Variants in RAB5C observed in about 807,000 individuals in gnomAD.
RAB5C encodes the protein ras-related protein Rab-5C.
In RAB5C, 4 loss-of-function variants were observed where a neutral mutation model predicts 25.2. That is an observed-to-expected ratio of 0.16 (90% CI 0.08 to 0.36). RAB5C has a LOEUF of 0.36. Among genes scored for constraint, RAB5C ranks in the 10% least tolerant of loss-of-function variants. RAB5C has a pLI of 1.00. For synonymous variants in RAB5C, 100 were observed against 106.4 expected, an observed-to-expected ratio of 0.94 and a Z score of 0.37; for missense variants, 199 against 283.8, an observed-to-expected ratio of 0.70 and a Z score of 2.15.
rs572493429 is a variant in RAB5C, at chr17:42,147,144, A to AAGAGAG, written c.-89+7743_-89+7748dup. 3.8e-3 allele frequency among the ~76,000 whole-genome samples: 383 copies of AAGAGAG among 99,662 alleles called. 1 individual carries two copies. Among genetic ancestry groups the AAGAGAG allele is most frequent in the African/African-American group, 0.024 (355 of 15,030 alleles). 65.4% of individuals were successfully genotyped at this position (99,662 alleles called of 152,430 possible). A position where few individuals can be genotyped will look rare whatever the true frequency, so the allele number is the denominator to read the frequency against. On this transcript the variant is annotated intron_variant, in intron 1 of 5. Transcript: ENST00000346213. ...AGAAACAGAAAGAAAGAAAGAAAGA[A>AAGAGAG]AGAGAGAGAGAGAGAGAGAGAGAGA...
At chr17:42,142,052 T>C (rs866324164) in intron 1 of RAB5C, among the ~76,000 whole-genome samples, 6 of 151,926 alleles carry the variant, frequency 3.9e-5, no homozygotes, top group Non-Finnish European at 7.4e-5. Flanking sequence ...AACCCCAATC[T>C]TGTATCCTCC....
rs527603091 is a variant in RAB5C at position 42,152,195 on chromosome 17, T to C, written c.-89+2698A>G. ...AAGCCCCACTATTTCCCAAGGCACCTATGAGGAATATGTATGAAAATAATT... is the reference window on the plus strand; with the variant it reads ...AAGCCCCACTATTTCCCAAGGCACCCATGAGGAATATGTATGAAAATAATT... On this transcript the variant is annotated intron_variant, in intron 1 of 5. Coordinates refer to ENST00000346213, the MANE Select transcript of RAB5C (RefSeq NM_004583.4). Among the ~76,000 whole-genome samples the C allele has an allele frequency of 8.5e-5, 13 of 152,068 alleles. No individual in the cohort carries two copies. The East Asian group carries it at 2.5e-3, about 29-fold the overall frequency.
intron 5 of RAB5C, among the ~76,000 whole-genome samples, chr17:42,126,249 G>C (rs76976057): frequency 2.1e-3 from 322 of 152,170 alleles, no homozygotes; most frequent in African/African-American, 7.5e-3. Context: ...TGAGACTCTG[G>C]CCCAGGCTTC....
At chr17:42,154,261 A>T (rs1053358824) in intron 1 of RAB5C, among the ~76,000 whole-genome samples, 3 of 152,238 alleles carry the variant, frequency 2.0e-5, no homozygotes, top group African/African-American at 7.2e-5. Flanking sequence ...TCAAAGAACA[A>T]CATAACTAGA....
At position 42,128,546 on chromosome 17, in the gene RAB5C, A is replaced by AG. The variant is rs991483513; in HGVS notation, c.318+102dup. Reference sequence around the variant, plus strand: ...CAGGAAATCTGCCCACCCCCCACCCAGGAACAGAGGGTTAAGCGGCCTGAA... The same window carrying AG: ...CAGGAAATCTGCCCACCCCCCACCCAGGGAACAGAGGGTTAAGCGGCCTGAA... On this transcript the variant is annotated intron_variant, in intron 3 of 5. Coordinates refer to ENST00000346213, the MANE Select transcript of RAB5C (RefSeq NM_004583.4). The AG allele has an allele frequency of 4.5e-5, 23 of 513,922 alleles. No homozygotes were observed. In the African/African-American group the frequency reaches 4.8e-4, roughly 11 times the overall value. The allele number at this position is 513,922 out of a possible 1,614,324, so 31.8% of individuals were successfully genotyped here.
At chr17:42,142,221 G>C (rs911000949) in intron 1 of RAB5C, among the ~76,000 whole-genome samples, 5 of 149,048 alleles carry the variant, frequency 3.4e-5, no homozygotes, top group African/African-American at 1.2e-4. Flanking sequence ...TTTTGGTAGA[G>C]ATGGGGTTTC....
intron 1 of RAB5C, among the ~76,000 whole-genome samples, chr17:42,138,141 G>C (rs905425989): frequency 5.9e-5 from 9 of 152,116 alleles, no homozygotes; most frequent in African/African-American, 2.2e-4. Flanking sequence ...GGAGAAAGAG[G>C]TTATAACAGT....
chr17:42,135,581 C>T (rs1057177571), intron 1 of RAB5C, among the ~76,000 whole-genome samples: 18 of 152,138 alleles, frequency 1.2e-4, no homozygotes, highest in African/African-American at 3.6e-4. Context: ...AAGGCACCCC[C>T]GATCAGTGCT....
At chr17:42,138,124 T>C (rs1222307350) in intron 1 of RAB5C, among the ~76,000 whole-genome samples, 1 of 152,178 alleles carries the variant, frequency 6.6e-6, no homozygotes, top group African/African-American at 2.4e-5. Context: ...TTATGTCTTT[T>C]CGATGGGGAG....
chr17:42,128,605 TGAG>T, intron 3 of RAB5C, 41 bp downstream of exon 3: 1 of 1,418,726 alleles, frequency 7.0e-7, no homozygotes. Context: ...CCTGGGACTT[TGAG>T]AAGATGAAGG....
chr17:42,125,178 G>A lies in RAB5C; in HGVS notation c.*605C>T, dbSNP rs1190573717. 3.9e-5 allele frequency: 6 copies of A among 152,646 alleles called. No homozygotes were observed. The highest frequency in any genetic ancestry group is 7.3e-5 in the Non-Finnish European group (5 of 68,166). The allele number at this position is 152,646 out of a possible 1,614,324, so 9.5% of individuals were successfully genotyped here. A position where few individuals can be genotyped will look rare whatever the true frequency, so the allele number is the denominator to read the frequency against. ...AGAGGTTGGGGTGACCGAGGGTGGAGGGGTTGTGGGCAATGGGTTCGTGGC... is the reference window on the plus strand; with the variant it reads ...AGAGGTTGGGGTGACCGAGGGTGGAAGGGTTGTGGGCAATGGGTTCGTGGC... On this transcript the variant is annotated 3_prime_UTR_variant, in exon 6 of 6. Coordinates refer to ENST00000346213, the MANE Select transcript of RAB5C (RefSeq NM_004583.4).
intron 1 of RAB5C, among the ~76,000 whole-genome samples, chr17:42,138,463 T>G (rs1352761149): frequency 6.6e-6 from 1 of 152,100 alleles, no homozygotes; most frequent in Non-Finnish European, 1.5e-5. Flanking sequence ...GAGGCAGCAG[T>G]AGGGAGGAAG....
chr17:42,150,544 CAAAAAAAAAAAA>C (rs759878778), intron 1 of RAB5C, among the ~76,000 whole-genome samples: 13 of 19,382 alleles, frequency 6.7e-4, no homozygotes, highest in East Asian at 2.2e-3. Context: ...AACTCCATCT[CAAAAAAAAAAAA>C]AAAAAAAAAA....
In RAB5C at chr17:42,128,285, G is replaced by A; in HGVS notation, c.417C>T (p.Ala139=). The change falls in exon 4 of 6, where the codon GCC becomes GCT. Residue 139 remains alanine (A), a synonymous_variant. Transcript: ENST00000346213. ...IALAGNKADL[A]SKRAVEFQEA... The stretch of plus-strand genomic sequence containing the variant: ...CCTGGAATTCCACGGCTCTCTTGCT[G>A]GCCAGGTCTGCCTTGTTACCCGCGA... The A allele has an allele frequency of 6.2e-7, 1 of 1,613,682 alleles. No homozygotes were observed. Among genetic ancestry groups the A allele is most frequent in the South Asian group, 1.1e-5 (1 of 90,992 alleles).
chr17:42,131,785 G>C (rs1282514757), intron 1 of RAB5C: 22 of 592,020 alleles, frequency 3.7e-5, no homozygotes, highest in Middle Eastern at 8.9e-4. Flanking sequence ...TTAAGTTTTG[G>C]AATTGCAGAC....
chr17:42,131,926 T>A, intron 1 of RAB5C: 1 of 286,168 alleles, frequency 3.5e-6, no homozygotes, highest in Non-Finnish European at 6.7e-6. Context: ...GAGTAGGTAT[T>A]AAGTACTGAA....
intron 2 of RAB5C, 92 bp downstream of exon 2, chr17:42,130,245 T>C: frequency 6.7e-7 from 1 of 1,499,024 alleles, no homozygotes; most frequent in Non-Finnish European, 9.0e-7. Context: ...ATTTAGTCCC[T>C]AATGCAGGCA....
intron 2 of RAB5C, 92 bp from the exon 3 acceptor site, chr17:42,128,892 G>A: frequency 8.5e-7 from 1 of 1,176,922 alleles, no homozygotes; most frequent in Non-Finnish European, 1.1e-6. Flanking sequence ...GCACTCAGAA[G>A]CCCACCACTG....
At chr17:42,128,562 G>C in intron 3 of RAB5C, 87 bp downstream of exon 3, 2 of 1,359,658 alleles carry the variant, frequency 1.5e-6, no homozygotes, top group Non-Finnish European at 1.9e-6. Context: ...AGAGGGTTAA[G>C]CGGCCTGAAA....
Sources: gnomAD v4.1 joint callset for allele counts (sites outside exome capture counted in the v4.1 genomes callset) on GRCh38, gnomAD v4.1.1 for gene constraint, MANE v1.5 for transcripts, NCBI Gene and HGNC (gene_info 2026-07-23, HGNC 2026-07-21) for gene names.